The following TCF12 variants were observed in gnomAD, a reference collection of about 807,000 sequenced individuals.
The protein encoded by TCF12 is transcription factor 12.
In TCF12, 45 loss-of-function variants were observed where a neutral mutation model predicts 86.0. The ratio of observed to expected loss-of-function variants is 0.52; its 90% CI spans 0.41 to 0.67. The LOEUF (loss-of-function observed/expected upper bound fraction) is 0.67. Among genes scored for constraint, TCF12 ranks in the 30% least tolerant of loss-of-function variants. TCF12 has a pLI of 0.00. For synonymous variants in TCF12, 330 were observed against 299.6 expected (o/e 1.10, Z -1.05); for missense variants, 881 against 859.9 (o/e 1.02, Z -0.31).
intron 5 of TCF12, among the ~76,000 whole-genome samples, chr15:57,144,838 G>C (rs1567510701): frequency 6.6e-6 from 1 of 152,142 alleles, no homozygotes; most frequent in Non-Finnish European, 1.5e-5. Context: ...CTGAGCACTA[G>C]AGATCCACCT....
intron 3 of TCF12, among the ~76,000 whole-genome samples, chr15:56,959,495 C>T (rs1259398482): frequency 6.6e-6 from 1 of 152,186 alleles, no homozygotes; most frequent in Non-Finnish European, 1.5e-5. Context: ...CAAAGTTTCT[C>T]TTTGATGACA....
intron 3 of TCF12, among the ~76,000 whole-genome samples, chr15:57,015,101 C>T (rs1352145252): frequency 1.3e-5 from 2 of 151,746 alleles, no homozygotes; most frequent in African/African-American, 2.4e-5. Context: ...CTAGCCTGGC[C>T]AACATGGCGA....
intron 6 of TCF12, among the ~76,000 whole-genome samples, chr15:57,189,619 C>T (rs2056875559): frequency 6.6e-6 from 1 of 152,170 alleles, no homozygotes; most frequent in South Asian, 2.1e-4. Flanking sequence ...AATTGGAACC[C>T]TTGCACATTG....
chr15:57,119,717 C>G (rs1415104055), intron 5 of TCF12, among the ~76,000 whole-genome samples: 2 of 152,074 alleles, frequency 1.3e-5, no homozygotes, highest in African/African-American at 4.8e-5. Context: ...AGTGGAATCA[C>G]AATATCACTG....
chr15:57,040,740 C>G (rs1209526324), intron 3 of TCF12, among the ~76,000 whole-genome samples: 1 of 152,104 alleles, frequency 6.6e-6, no homozygotes, highest in African/African-American at 2.4e-5. Flanking sequence ...ATAAATAGTT[C>G]TTTTGAATTT....
At chr15:57,244,055 T>C (rs1356323668) in intron 13 of TCF12, among the ~76,000 whole-genome samples, 1 of 152,074 alleles carries the variant, frequency 6.6e-6, no homozygotes, top group Non-Finnish European at 1.5e-5. Flanking sequence ...ATTTTTTTAC[T>C]TTTTGTAGAG....
At chr15:57,264,865 G>T (rs4774916) in intron 18 of TCF12, among the ~76,000 whole-genome samples, 1 of 151,822 alleles carries the variant, frequency 6.6e-6, no homozygotes, top group Non-Finnish European at 1.5e-5. Flanking sequence ...GAGTAGCTGG[G>T]ACTACAGGTG....
At chr15:57,244,721 C>T (rs148012274) in intron 13 of TCF12, among the ~76,000 whole-genome samples, 58 of 152,166 alleles carry the variant, frequency 3.8e-4, no homozygotes, top group African/African-American at 1.4e-3. Flanking sequence ...TCATCCTTCT[C>T]CCAAAGTGCT....
At chr15:56,923,139 T>C (rs888146616) in intron 3 of TCF12, among the ~76,000 whole-genome samples, 4 of 152,092 alleles carry the variant, frequency 2.6e-5, no homozygotes, top group Admixed American at 6.5e-5. Flanking sequence ...ATTTGACTTA[T>C]GAAAACTAGA....
At chr15:57,052,835 A>G (rs2067733456) in intron 3 of TCF12, among the ~76,000 whole-genome samples, 1 of 152,218 alleles carries the variant, frequency 6.6e-6, no homozygotes, top group African/African-American at 2.4e-5. Context: ...GATAGTGCTC[A>G]TGTAAACAGT....
intron 12 of TCF12, among the ~76,000 whole-genome samples, chr15:57,238,707 T>C (rs999125994): frequency 1.3e-5 from 2 of 152,204 alleles, no homozygotes; most frequent in Admixed American, 1.3e-4. Flanking sequence ...GTTAAAAATA[T>C]ATATATTGGG....
intron 5 of TCF12, among the ~76,000 whole-genome samples, chr15:57,125,071 CTA>C (rs1240046725): frequency 6.6e-6 from 1 of 152,178 alleles, no homozygotes; most frequent in Non-Finnish European, 1.5e-5. Context: ...CAGGAAGAAA[CTA>C]TCAACTGGAT....
At chr15:57,020,393 A>C (rs1272264793) in intron 3 of TCF12, among the ~76,000 whole-genome samples, 2 of 152,208 alleles carry the variant, frequency 1.3e-5, no homozygotes, top group South Asian at 4.1e-4. Flanking sequence ...AGTATTTTGC[A>C]TGGCAATGTT....
chr15:57,244,669 C>T lies in TCF12; in HGVS notation c.1114+1119C>T, dbSNP rs371297043. 1.4e-4 allele frequency among the ~76,000 whole-genome samples: 22 copies of T among 152,122 alleles called. No homozygotes were observed. In the South Asian group the frequency reaches 3.7e-3, roughly 26 times the overall value. ...AGAGATGGAGTTTCACCATGTTGGCCAGGCATGTCTTGAACTCGTGACTTC... is the reference window on the plus strand; with the variant it reads ...AGAGATGGAGTTTCACCATGTTGGCTAGGCATGTCTTGAACTCGTGACTTC... On this transcript the variant is annotated intron_variant, in intron 13 of 20. Transcript: ENST00000333725.
At chr15:57,185,580 C>T (rs964158072) in intron 6 of TCF12, among the ~76,000 whole-genome samples, 1 of 152,206 alleles carries the variant, frequency 6.6e-6, no homozygotes, top group Middle Eastern at 3.4e-3. Flanking sequence ...ATGGAATCAA[C>T]AAAATCAAAA....
intron 3 of TCF12, among the ~76,000 whole-genome samples, chr15:57,003,911 C>T (rs1212881620): frequency 6.6e-6 from 1 of 152,164 alleles, no homozygotes; most frequent in Non-Finnish European, 1.5e-5. Context: ...AACTTAAAAT[C>T]AAATAGAACC....
chr15:57,101,224 G>A (rs977048771), intron 5 of TCF12, among the ~76,000 whole-genome samples: 5 of 151,414 alleles, frequency 3.3e-5, no homozygotes, highest in Non-Finnish European at 5.9e-5. Context: ...TTTGTTTTTT[G>A]AGACAGAATC....
chr15:56,963,672 C>T (rs1409093620), intron 3 of TCF12, among the ~76,000 whole-genome samples: 3 of 152,146 alleles, frequency 2.0e-5, no homozygotes, highest in Non-Finnish European at 4.4e-5. Flanking sequence ...AAAGGAGGTT[C>T]CTACCCACAA....
intron 16 of TCF12, among the ~76,000 whole-genome samples, chr15:57,254,631 C>A (rs1305549136): frequency 3.3e-5 from 5 of 151,612 alleles, no homozygotes. Flanking sequence ...GAGGCCAAGG[C>A]GGGAGGATTG....
Sources: gnomAD v4.1 joint callset for allele counts (sites outside exome capture counted in the v4.1 genomes callset) on GRCh38, gnomAD v4.1.1 for gene constraint, MANE v1.5 for transcripts, NCBI Gene and HGNC (gene_info 2026-07-23, HGNC 2026-07-21) for gene names.